The following KIAA1671 variants were observed in gnomAD, a reference collection of about 807,000 sequenced individuals.
KIAA1671 encodes uncharacterized protein KIAA1671.
In KIAA1671, 52 loss-of-function variants were observed where a neutral mutation model predicts 131.2. The observed-to-expected ratio is 0.40, with a 90% CI of 0.32 to 0.50. The LOEUF is 0.50. Ranked by LOEUF, KIAA1671 falls within the 20% of genes least tolerant of loss-of-function variation. The pLI, the probability that KIAA1671 is intolerant of heterozygous loss-of-function variation, is 0.73. For synonymous variants in KIAA1671, 1,003 were observed against 961.6 expected (o/e 1.04, Z -0.80); for missense variants, 2,360 against 2,364.2 (o/e 1.00, Z 0.04).
chr22:25,055,799 G>GATATAGAT lies in KIAA1671; in HGVS notation c.4530+6438_4530+6439insTAGATATA, dbSNP rs1331806807. The GATATAGAT allele has an allele frequency of 4.1e-4, 53 of 128,432 alleles. 1 individual carries two copies. The highest frequency in any genetic ancestry group is 8.3e-4 in the Admixed American group (11 of 13,174). 8.0% of individuals were successfully genotyped at this position (128,432 alleles called of 1,614,324 possible). On this transcript the variant is annotated intron_variant, in intron 6 of 12. Transcript: ENST00000358431. ...ACAAACATATATATAGATAGATATA[G>GATATAGAT]ATAGATATAGATATAGATATAGATA...
chr22:25,108,362 G>A (rs1436399563), intron 6 of KIAA1671, among the ~76,000 whole-genome samples: 2 of 152,180 alleles, frequency 1.3e-5, no homozygotes, highest in African/African-American at 4.8e-5. Flanking sequence ...GGGGCCAGCG[G>A]GGAGGACTCA....
chr22:25,092,915 C>T (rs1044426808), intron 6 of KIAA1671, among the ~76,000 whole-genome samples: 2 of 152,104 alleles, frequency 1.3e-5, no homozygotes, highest in Non-Finnish European at 2.9e-5. Context: ...CGGCCCCCTG[C>T]ACTGGAGGGA....
chr22:25,011,430 T>C (rs758725815), intron 1 of KIAA1671: 3 of 151,746 alleles, frequency 2.0e-5, no homozygotes, highest in African/African-American at 7.3e-5. Flanking sequence ...ATTACAGGCA[T>C]GTGAGCCACC....
intron 6 of KIAA1671, among the ~76,000 whole-genome samples, chr22:25,122,490 C>T (rs1259039984): frequency 1.3e-5 from 2 of 152,208 alleles, no homozygotes; most frequent in African/African-American, 4.8e-5. Flanking sequence ...CAAAACTGCC[C>T]TGAGCTGCCA....
chr22:25,042,428 G>C (rs1219282097), intron 5 of KIAA1671, among the ~76,000 whole-genome samples: 5 of 151,572 alleles, frequency 3.3e-5, no homozygotes, highest in Non-Finnish European at 7.4e-5. Flanking sequence ...CCTCAAAAGA[G>C]GGATCACCAT....
In KIAA1671 at chr22:25,194,029, T is replaced by G. The variant is rs1934749049; in HGVS notation, c.*1628T>G. ...TTTATGTTTTATAATAATTTTGATC[T>G]TATGGCTTTCAACGTCAATAGGATC... On this transcript the variant is annotated 3_prime_UTR_variant, in exon 13 of 13. Transcript: ENST00000358431. The G allele has an allele frequency of 6.6e-6, 1 of 152,202 alleles. No homozygotes were observed. Among genetic ancestry groups the G allele is most frequent in the African/African-American group, 2.4e-5 (1 of 41,452 alleles). 9.4% of individuals were successfully genotyped at this position (152,202 alleles called of 1,614,324 possible).
At chr22:25,161,781 C>A (rs1018020864) in intron 6 of KIAA1671, among the ~76,000 whole-genome samples, 7 of 152,162 alleles carry the variant, frequency 4.6e-5, no homozygotes, top group Non-Finnish European at 8.8e-5. Context: ...CTGGGCCCAA[C>A]TGAGACCACA....
At position 25,194,544 on chromosome 22, in the gene KIAA1671, C is replaced by T. The variant is rs889918692; in HGVS notation, c.*2143C>T. On this transcript the variant is annotated 3_prime_UTR_variant, in exon 13 of 13. Coordinates refer to ENST00000358431, the MANE Select transcript of KIAA1671 (RefSeq NM_001145206.2). Reference sequence around the variant, plus strand: ...ACTCTCAATTCTTAATTAGTCATGTCTCAGCTCAAGGATATCAGACAGGAA... The same window carrying T: ...ACTCTCAATTCTTAATTAGTCATGTTTCAGCTCAAGGATATCAGACAGGAA... 1 of 152,154 alleles carries T rather than the reference C, an allele frequency of 6.6e-6. No homozygotes were observed. Among genetic ancestry groups the T allele is most frequent in the Admixed American group, 6.5e-5 (1 of 15,286 alleles). 9.4% of individuals were successfully genotyped at this position (152,154 alleles called of 1,614,324 possible).
At chr22:25,177,257 C>A in intron 8 of KIAA1671, 91 bp from the exon 9 acceptor site, 2 of 1,260,640 alleles carry the variant, frequency 1.6e-6, no homozygotes, top group Non-Finnish European at 2.2e-6. Context: ...TCTCATCTGT[C>A]AACGAAGCTG....
chr22:24,999,929 G>A (rs1244896975), intron 1 of KIAA1671, among the ~76,000 whole-genome samples: 1 of 151,980 alleles, frequency 6.6e-6, no homozygotes, highest in Non-Finnish European at 1.5e-5. Flanking sequence ...CTGTTGCCTA[G>A]GCTGGAGTGC....
intron 6 of KIAA1671, among the ~76,000 whole-genome samples, chr22:25,132,765 G>C (rs1932500214): frequency 6.6e-6 from 1 of 152,152 alleles, no homozygotes; most frequent in Non-Finnish European, 1.5e-5. Context: ...GCACCTTAAT[G>C]AGTGTTCCAT....
At chr22:25,176,188 C>T (rs1934019813) in intron 8 of KIAA1671, 1 of 152,264 alleles carries the variant, frequency 6.6e-6, no homozygotes, top group African/African-American at 2.4e-5. Flanking sequence ...CGTCTTTCCC[C>T]CTCTTTCACT....
intron 6 of KIAA1671, among the ~76,000 whole-genome samples, chr22:25,111,182 A>T (rs1931322494): frequency 6.6e-6 from 1 of 152,218 alleles, no homozygotes; most frequent in African/African-American, 2.4e-5. Context: ...GCCGTTTCCC[A>T]GCAGTGCTAA....
chr22:25,112,323 G>T, intron 6 of KIAA1671: 1 of 398,982 alleles, frequency 2.5e-6, no homozygotes, highest in Non-Finnish European at 4.4e-6. Context: ...TCGGCCAGCC[G>T]GACCCCCTTC....
chr22:25,019,093 T>TGTGTGTGTGTGTGTG (rs56396537), intron 1 of KIAA1671, among the ~76,000 whole-genome samples: 1 of 146,120 alleles, frequency 6.8e-6, no homozygotes, highest in African/African-American at 2.5e-5. Flanking sequence ...TGTGTGTGTG[T>TGTGTGTGTGTGTGTG]TTTAATTAAG....
At chr22:25,023,501 A>T (rs1215658575) in intron 1 of KIAA1671, 2 of 152,250 alleles carry the variant, frequency 1.3e-5, no homozygotes, top group Non-Finnish European at 2.9e-5. Context: ...ATCAAGTGTA[A>T]CATATGTGAT....
intron 8 of KIAA1671, 171 bp downstream of exon 8, chr22:25,174,660 C>G: frequency 1.5e-6 from 1 of 682,972 alleles, no homozygotes; most frequent in East Asian, 2.9e-5. Context: ...TGCCATACAC[C>G]TGCTGTGTGT....
In KIAA1671 at chr22:25,174,228, C is replaced by CT; in HGVS notation, c.4650-6dup. ...CCATAACCATGTCTCCCTTCATTCC[C>CT]TTTTTTGGCAGCTTGGCCACTGAGT... On this transcript the variant is annotated splice_polypyrimidine_tract_variant and intron_variant, in intron 7 of 12. Transcript: ENST00000358431. 1 of 1,551,320 alleles carries CT rather than the reference C, an allele frequency of 6.4e-7. No homozygotes were observed. The highest frequency in any genetic ancestry group is 2.4e-5 in the East Asian group (1 of 40,910).
At chr22:25,139,933 G>T (rs184995614) in intron 6 of KIAA1671, among the ~76,000 whole-genome samples, 12 of 152,346 alleles carry the variant, frequency 7.9e-5, no homozygotes, top group Admixed American at 6.5e-4. Context: ...TTGTGGCCAG[G>T]TGGCAGTGAG....
Sources: allele counts gnomAD v4.1 joint callset (sites outside exome capture counted in the v4.1 genomes callset), GRCh38; gene constraint gnomAD v4.1.1; transcripts MANE v1.5; gene names NCBI Gene and HGNC (gene_info 2026-07-23, HGNC 2026-07-21).